Variants in PDZD8 observed in about 807,000 individuals in gnomAD.
PDZD8 encodes PDZ domain-containing protein 8.
PDZD8 carries 14 observed loss-of-function variants against 85.8 expected under a neutral mutation model. That is an observed-to-expected ratio of 0.16 (90% CI 0.11 to 0.26). The LOEUF (loss-of-function observed/expected upper bound fraction) is 0.26. Ranked by LOEUF, PDZD8 falls within the 10% of genes least tolerant of loss-of-function variation. The pLI is 1.00. For synonymous variants in PDZD8, 592 were observed against 568.6 expected, an observed-to-expected ratio of 1.04 and a Z score of -0.59; for missense variants, 1,197 against 1,424.3, an observed-to-expected ratio of 0.84 and a Z score of 2.57.
chr10:117,318,796 A>G, intron 3 of PDZD8, 76 bp downstream of exon 3: 1 of 1,072,162 alleles, frequency 9.3e-7, no homozygotes, highest in Non-Finnish European at 1.4e-6. Context: ...AACTCTAGGA[A>G]TACAGAAATA....
At chr10:117,331,696 G>A (rs1844423714) in intron 2 of PDZD8, among the ~76,000 whole-genome samples, 1 of 152,112 alleles carries the variant, frequency 6.6e-6, no homozygotes, top group African/African-American at 2.4e-5. Context: ...AAAGAGCACT[G>A]GTATTATGTC....
At chr10:117,346,232 C>CA (rs59338641) in intron 1 of PDZD8, among the ~76,000 whole-genome samples, 18,519 of 63,400 alleles carry the variant, frequency 0.29, 2,479 homozygotes, top group East Asian at 0.55. Context: ...AAACTCCGTC[C>CA]AAAAAAAAAA....
At chr10:117,316,007 CTG>C (rs1844123197) in intron 3 of PDZD8, among the ~76,000 whole-genome samples, 1 of 152,154 alleles carries the variant, frequency 6.6e-6, no homozygotes, top group Non-Finnish European at 1.5e-5. Context: ...ACAAATTGCA[CTG>C]TCTCTTTCTG....
intron 1 of PDZD8, among the ~76,000 whole-genome samples, chr10:117,369,702 C>A (rs560532608): frequency 6.6e-6 from 1 of 152,244 alleles, no homozygotes; most frequent in Admixed American, 6.5e-5. Flanking sequence ...TAAACTCCAC[C>A]TAGGAGCTTA....
At chr10:117,297,260 C>T (rs1235270434) in intron 3 of PDZD8, among the ~76,000 whole-genome samples, 1 of 152,060 alleles carries the variant, frequency 6.6e-6, no homozygotes, top group Non-Finnish European at 1.5e-5. Context: ...GTGGACAATA[C>T]CAACTGCTGC....
chr10:117,352,100 T>C (rs1283156311), intron 1 of PDZD8, among the ~76,000 whole-genome samples: 1 of 109,254 alleles, frequency 9.2e-6, no homozygotes, highest in African/African-American at 3.6e-5. Flanking sequence ...TTGTAACATC[T>C]AAAATATGTC....
rs1035770494 is a variant in PDZD8, at chr10:117,278,575, A to C, written c.*4693T>G. On this transcript the variant is annotated 3_prime_UTR_variant, in exon 5 of 5. Coordinates refer to ENST00000334464, the MANE Select transcript of PDZD8 (RefSeq NM_173791.5). ...GAGTGTGCAGTGTGGAATGTCTCTA[A>C]TACTACTTGTGAATCCTGCAGTTCT... 2 of 152,176 alleles carry C rather than the reference A, an allele frequency of 1.3e-5. No homozygotes were observed. The highest frequency in any genetic ancestry group is 2.4e-5 in the African/African-American group (1 of 41,430). The allele number at this position is 152,176 out of a possible 1,614,324, so 9.4% of individuals were successfully genotyped here. A position where few individuals can be genotyped will look rare whatever the true frequency, so the allele number is the denominator to read the frequency against.
intron 1 of PDZD8, among the ~76,000 whole-genome samples, chr10:117,357,766 C>CAAAAA (rs767138640): frequency 1.9e-4 from 9 of 47,468 alleles, no homozygotes; most frequent in East Asian, 7.1e-4. Context: ...ACTTCATCTC[C>CAAAAA]AAAAAAAAAA....
At chr10:117,317,242 C>T (rs1844145038) in intron 3 of PDZD8, among the ~76,000 whole-genome samples, 1 of 152,010 alleles carries the variant, frequency 6.6e-6, no homozygotes, top group Non-Finnish European at 1.5e-5. Flanking sequence ...AGATAGCATC[C>T]TAAACTCATC....
rs73394921 is a variant in PDZD8 at position 117,289,807 on chromosome 10, A to G, written c.1261+379T>C. Among the ~76,000 whole-genome samples, 726 of 152,310 alleles carry G rather than the reference A, an allele frequency of 4.8e-3. 11 individuals carry two copies. Among genetic ancestry groups the G allele is most frequent in the African/African-American group, 0.017 (698 of 41,586 alleles). ...TGGGGGCAGTAGTGCTAATACTACC[A>G]ATTTTAGGTTCAGAGTAGCAATGGT... On this transcript the variant is annotated intron_variant, in intron 4 of 4. Transcript: ENST00000334464.
At chr10:117,304,895 A>G (rs1843908409) in intron 3 of PDZD8, among the ~76,000 whole-genome samples, 1 of 152,188 alleles carries the variant, frequency 6.6e-6, no homozygotes, top group Non-Finnish European at 1.5e-5. Flanking sequence ...CAGCAGCGTG[A>G]AAACAGACTA....
intron 2 of PDZD8, among the ~76,000 whole-genome samples, chr10:117,332,410 T>C (rs1476906868): frequency 1.3e-5 from 2 of 151,968 alleles, no homozygotes; most frequent in Admixed American, 6.6e-5. Context: ...AATAATGCCC[T>C]GCCCTAAAAA....
chr10:117,308,664 T>C (rs1165999292), intron 3 of PDZD8, among the ~76,000 whole-genome samples: 1 of 152,052 alleles, frequency 6.6e-6, no homozygotes. Context: ...TTTGTGGAAA[T>C]GATATAGTAC....
chr10:117,338,745 T>C (rs1189813263), intron 2 of PDZD8, among the ~76,000 whole-genome samples: 2 of 152,220 alleles, frequency 1.3e-5, no homozygotes, highest in Non-Finnish European at 2.9e-5. Flanking sequence ...TATCTCAACA[T>C]GACCTAAAGA....
rs1564718365 is a variant in PDZD8 at position 117,374,974 on chromosome 10, T to C, written c.254A>G (p.Glu85Gly). The C allele has an allele frequency of 6.2e-7, 1 of 1,602,672 alleles. No individual in the cohort carries two copies. The highest frequency in any genetic ancestry group is 1.1e-5 in the South Asian group (1 of 90,176). The change falls in exon 1 of 5, where the codon GAG (glutamate) becomes GGG (glycine). Residue 85 changes from glutamate (E) to glycine (G), a missense_variant. Transcript: ENST00000334464. The surrounding 1 kb of genome is among the most constrained non-coding windows in gnomAD (Gnocchi z 7.8). ...CTCCCGCGTCGGCGGGGCGGGGGTC[T>C]CGGGGGCCGCGGTGGGGGTCGCGCC... is the stretch of plus-strand genomic sequence containing the variant. ...EGGATPTAAP[E>G]TPAPPTRETC...
intron 2 of PDZD8, among the ~76,000 whole-genome samples, chr10:117,339,306 A>C (rs2133843686): frequency 6.6e-6 from 1 of 152,326 alleles, no homozygotes; most frequent in East Asian, 1.9e-4. Context: ...TGGTACAAAC[A>C]AGTGTCAAAG....
intron 1 of PDZD8, among the ~76,000 whole-genome samples, chr10:117,343,045 C>G (rs1844643479): frequency 7.0e-6 from 1 of 141,922 alleles, no homozygotes; most frequent in Non-Finnish European, 1.5e-5. Flanking sequence ...TCAAATATGA[C>G]TTAGTCTCAC....
At chr10:117,368,859 T>G (rs772524072) in intron 1 of PDZD8, among the ~76,000 whole-genome samples, 21,528 of 130,770 alleles carry the variant, frequency 0.16, 1,678 homozygotes, top group East Asian at 0.38. Flanking sequence ...ATGTTTTTTT[T>G]TTTTTTTTTT....
In PDZD8 at chr10:117,277,847, A is replaced by G. The variant is rs1282958345; in HGVS notation, c.*5421T>C. The G allele has an allele frequency of 6.6e-6, 1 of 152,266 alleles. No individual in the cohort carries two copies. Among genetic ancestry groups the G allele is most frequent in the African/African-American group, 2.4e-5 (1 of 41,474 alleles). 9.4% of individuals were successfully genotyped at this position (152,266 alleles called of 1,614,324 possible). A position where few individuals can be genotyped will look rare whatever the true frequency, so the allele number is the denominator to read the frequency against. ...CTTGTGTCAGTTATCTTTTGAATCC[A>G]TAAATCTTAGCTGGCATTAGTTTTC... is the stretch of plus-strand genomic sequence containing the variant. On this transcript the variant is annotated 3_prime_UTR_variant, in exon 5 of 5. Coordinates refer to ENST00000334464, the MANE Select transcript of PDZD8 (RefSeq NM_173791.5).
Sources: gnomAD v4.1 joint callset for allele counts (sites outside exome capture counted in the v4.1 genomes callset) on GRCh38, gnomAD v4.1.1 for gene constraint, Gnocchi (gnomAD v3.1) non-coding constraint, MANE v1.5 for transcripts, NCBI Gene and HGNC (gene_info 2026-07-23, HGNC 2026-07-21) for gene names.